Variants in CADM2 observed in about 807,000 individuals in gnomAD.
The protein encoded by CADM2 is immunoglobulin superfamily member 4D.
Under a neutral mutation model 49.8 loss-of-function variants are expected in CADM2, and 12 were observed. That is an observed-to-expected ratio of 0.24 (90% CI 0.15 to 0.39). The LOEUF is 0.39. Ranked by LOEUF, CADM2 falls within the 10% of genes least tolerant of loss-of-function variation. CADM2 has a pLI of 1.00. For synonymous variants in CADM2, 214 were observed against 175.4 expected (o/e 1.22, Z -1.74); for missense variants, 378 against 492.3 (o/e 0.77, Z 2.20).
chr3:85,747,432 T>C (rs990238869), intron 2 of CADM2, among the ~76,000 whole-genome samples: 4 of 152,118 alleles, frequency 2.6e-5, no homozygotes, highest in Non-Finnish European at 5.9e-5. Context: ...ATAAATAAAT[T>C]GTCTGCCCTC....
At chr3:85,767,125 A>C (rs940945382) in intron 2 of CADM2, among the ~76,000 whole-genome samples, 2 of 152,210 alleles carry the variant, frequency 1.3e-5, no homozygotes, top group South Asian at 4.1e-4. Context: ...GTAACAAAGT[A>C]TGTACCATAA....
chr3:85,731,289 C>G (rs1049162055), intron 2 of CADM2, among the ~76,000 whole-genome samples: 1 of 152,084 alleles, frequency 6.6e-6, no homozygotes, highest in Non-Finnish European at 1.5e-5. Flanking sequence ...TAATTTGTAT[C>G]ATGTAGTATT....
At chr3:85,580,288 C>G (rs1290934103) in intron 1 of CADM2, among the ~76,000 whole-genome samples, 1 of 152,002 alleles carries the variant, frequency 6.6e-6, no homozygotes, top group African/African-American at 2.4e-5. Context: ...ATCAAATTGT[C>G]TAACATCATT....
intron 1 of CADM2, among the ~76,000 whole-genome samples, chr3:85,526,516 A>G (rs2061162120): frequency 6.6e-6 from 1 of 152,226 alleles, no homozygotes; most frequent in Non-Finnish European, 1.5e-5. Flanking sequence ...TAATAGGAGG[A>G]ACACTGACTT....
chr3:85,242,182 A>G (rs1204941939), intron 1 of CADM2, among the ~76,000 whole-genome samples: 2 of 151,370 alleles, frequency 1.3e-5, no homozygotes, highest in Non-Finnish European at 3.0e-5. Flanking sequence ...CTTAGACTCT[A>G]TGAGTATCTA....
chr3:85,378,885 A>T (rs889319239), intron 1 of CADM2, among the ~76,000 whole-genome samples: 1 of 152,034 alleles, frequency 6.6e-6, no homozygotes, highest in Non-Finnish European at 1.5e-5. Flanking sequence ...AATAAAGTAA[A>T]ATAAAATAAA....
intron 2 of CADM2, among the ~76,000 whole-genome samples, chr3:85,767,158 T>A (rs570141332): frequency 6.6e-6 from 1 of 152,314 alleles, no homozygotes; most frequent in African/African-American, 2.4e-5. Flanking sequence ...CTAATTGTCT[T>A]ATTTAGTTTT....
At chr3:85,231,150 A>G (rs2042277539) in intron 1 of CADM2, among the ~76,000 whole-genome samples, 2 of 152,050 alleles carry the variant, frequency 1.3e-5, no homozygotes, top group Non-Finnish European at 2.9e-5. Context: ...CTATTACCTC[A>G]TTTTACCTTA....
intron 1 of CADM2, among the ~76,000 whole-genome samples, chr3:85,671,362 T>A (rs1486679758): frequency 6.6e-6 from 1 of 152,210 alleles, no homozygotes; most frequent in Non-Finnish European, 1.5e-5. Flanking sequence ...CTCCCATAAC[T>A]GTAATTGCTT....
chr3:85,514,330 C>T (rs1411008315), intron 1 of CADM2, among the ~76,000 whole-genome samples: 1 of 151,992 alleles, frequency 6.6e-6, no homozygotes, highest in African/African-American at 2.4e-5. Flanking sequence ...ACAATAAAAA[C>T]CTACATAATT....
chr3:85,971,647 A>ACTGAC (rs1454291644), intron 8 of CADM2, among the ~76,000 whole-genome samples: 3 of 151,746 alleles, frequency 2.0e-5, no homozygotes, highest in African/African-American at 7.2e-5. Context: ...ATTTTAAGGA[A>ACTGAC]AGAGTAGGAA....
chr3:85,222,392 A>T (rs2042062468), intron 1 of CADM2, among the ~76,000 whole-genome samples: 1 of 152,164 alleles, frequency 6.6e-6, no homozygotes, highest in Admixed American at 6.5e-5. Context: ...GCTTAAAAAA[A>T]TACCAGGTGA....
intron 1 of CADM2, among the ~76,000 whole-genome samples, chr3:85,373,995 C>T (rs770084746): frequency 9.2e-5 from 14 of 152,098 alleles, no homozygotes; most frequent in Non-Finnish European, 1.9e-4. Context: ...AGACATTTTC[C>T]CCATTACCTT....
chr3:85,302,889 C>G (rs565495214), intron 1 of CADM2, among the ~76,000 whole-genome samples: 1 of 151,792 alleles, frequency 6.6e-6, no homozygotes, highest in Admixed American at 6.6e-5. Flanking sequence ...ATTTAATAAC[C>G]AGACAGCATT....
intron 1 of CADM2, among the ~76,000 whole-genome samples, chr3:85,180,792 A>G (rs188855271): frequency 6.6e-6 from 1 of 152,310 alleles, no homozygotes; most frequent in African/African-American, 2.4e-5. Flanking sequence ...TTTCTGGAAT[A>G]TAAAGCTATG....
At chr3:85,898,959 T>TA (rs60949454) in intron 5 of CADM2, among the ~76,000 whole-genome samples, 1 of 32,846 alleles carries the variant, frequency 3.0e-5, no homozygotes, top group Non-Finnish European at 5.3e-5. Context: ...ATATATATTT[T>TA]TTTTTTTTTT....
At chr3:85,110,815 G>A (rs193012355) in intron 1 of CADM2, among the ~76,000 whole-genome samples, 2 of 151,878 alleles carry the variant, frequency 1.3e-5, no homozygotes, top group African/African-American at 2.4e-5. Context: ...GGAAGGCCGA[G>A]GAAGAAGGAA....
At chr3:85,720,206 AT>A (rs990133277) in intron 1 of CADM2, among the ~76,000 whole-genome samples, 2 of 151,762 alleles carry the variant, frequency 1.3e-5, no homozygotes, top group East Asian at 1.9e-4. Context: ...TCATTTGACT[AT>A]TTTTTTTGTC....
chr3:85,439,587 G>A (rs927415399), intron 1 of CADM2, among the ~76,000 whole-genome samples: 2 of 151,998 alleles, frequency 1.3e-5, no homozygotes, highest in African/African-American at 2.4e-5. Context: ...TTAGCAGTAA[G>A]TCAGTATGTT....
Sources: gnomAD v4.1 joint callset for allele counts (sites outside exome capture counted in the v4.1 genomes callset) on GRCh38, gnomAD v4.1.1 for gene constraint, MANE v1.5 for transcripts, NCBI Gene and HGNC (gene_info 2026-07-23, HGNC 2026-07-21) for gene names.